Variants in PRPF18 observed in about 807,000 individuals in gnomAD.
PRPF18 encodes the protein pre-mRNA-splicing factor 18.
In PRPF18, 38 loss-of-function variants were observed where a neutral mutation model predicts 46.5. The ratio of observed to expected loss-of-function variants is 0.82; its 90% CI spans 0.63 to 1.07. PRPF18 has a LOEUF of 1.07. PRPF18 is among the 50% of genes least tolerant of loss of function. PRPF18 has a pLI of 0.00. For synonymous variants in PRPF18, 152 were observed against 146.7 expected (o/e 1.04, Z -0.26); for missense variants, 263 against 410.0 (o/e 0.64, Z 3.10).
downstream of PRPF18, among the ~76,000 whole-genome samples, chr10:13,634,075 G>T (rs2080613709): frequency 6.6e-6 from 1 of 152,318 alleles, no homozygotes; most frequent in South Asian, 2.1e-4. Context: ...AGTGTGGCCA[G>T]CCGCGCAGCT....
the PRPF18 span, chr10:13,654,400 T>C: frequency 3.3e-6 from 5 of 1,528,552 alleles, no homozygotes; most frequent in Admixed American, 1.7e-5. Flanking sequence ...GTGAAGAACA[T>C]AGAAGGAGAA....
chr10:13,611,256 A>G (rs1415832784), intron 5 of PRPF18, among the ~76,000 whole-genome samples: 1 of 145,758 alleles, frequency 6.9e-6, no homozygotes, highest in Non-Finnish European at 1.5e-5. Flanking sequence ...TTATTGAGAT[A>G]TTGACATACC....
At chr10:13,610,300 G>A (rs1351855930) in intron 5 of PRPF18, 115 bp downstream of exon 5, 2 of 1,144,282 alleles carry the variant, frequency 1.7e-6, no homozygotes, top group Non-Finnish European at 2.4e-6. Context: ...TTGGTCTTTT[G>A]TTTATTTACT....
downstream of PRPF18, among the ~76,000 whole-genome samples, chr10:13,635,297 G>C (rs926745414): frequency 6.6e-6 from 1 of 152,152 alleles, no homozygotes; most frequent in African/African-American, 2.4e-5. Flanking sequence ...GGCTATCATT[G>C]GTGGGCATTT....
At position 13,613,864 on chromosome 10, in the gene PRPF18, A is replaced by C. The variant is rs2080304379; in HGVS notation, c.703A>C (p.Arg235=). 6.2e-7 allele frequency: 1 copy of C among 1,610,882 alleles called. No individual in the cohort carries two copies. The highest frequency in any genetic ancestry group is 1.1e-5 in the South Asian group (1 of 89,990). The stretch of plus-strand genomic sequence containing the variant: ...CGAGTCCTACCTAAGACCACTTTTT[A>C]GAAAGCTACGGAAAAGGGTGAGGTT... ...QTESYLRPLF[R]KLRKRNLPAD... is the part of the protein sequence containing the mutation. Residue 235 remains arginine (R), a synonymous_variant, in exon 7 of 10, where the codon AGA becomes CGA. Transcript: ENST00000378572.
chr10:13,587,695 CAGA>C, intron 1 of PRPF18, among the ~76,000 whole-genome samples: 2 of 152,330 alleles, frequency 1.3e-5, no homozygotes, highest in Admixed American at 1.3e-4. Flanking sequence ...ATAGGGACCT[CAGA>C]AGGAGTACCT....
At chr10:13,648,401 G>A in the PRPF18 span, among the ~76,000 whole-genome samples, 1 of 152,268 alleles carries the variant, frequency 6.6e-6, no homozygotes, top group Non-Finnish European at 1.5e-5. Flanking sequence ...GGGCCTTGCA[G>A]GGGTCCTATG....
chr10:13,641,297 T>C, the PRPF18 span: 1 of 152,254 alleles, frequency 6.6e-6, no homozygotes, highest in Non-Finnish European at 1.5e-5. Context: ...GGCCTGGAGT[T>C]GCCTGTAACT....
chr10:13,591,658 C>A, intron 1 of PRPF18: 1 of 619,520 alleles, frequency 1.6e-6, no homozygotes, highest in Non-Finnish European at 3.0e-6. Context: ...TGGGCTTCTG[C>A]AGCTGCTGCT....
At chr10:13,612,596 C>G (rs77595862) in intron 6 of PRPF18, among the ~76,000 whole-genome samples, 1,922 of 143,720 alleles carry the variant, frequency 0.013, 25 homozygotes, top group Admixed American at 0.043. Flanking sequence ...AATTTCTAGA[C>G]AACCCAAGGA....
chr10:13,645,477 T>G, the PRPF18 span: 1 of 152,548 alleles, frequency 6.6e-6, no homozygotes, highest in African/African-American at 2.4e-5. Flanking sequence ...ATAAAAGTAT[T>G]TTTGAGGCCT....
Position 13,587,128 on chromosome 10 carries a change from G to C in PRPF18, c.42G>C (p.Leu14=). Residue 14 remains leucine (L), a synonymous_variant, in exon 1 of 10, where the codon CTG becomes CTC. Coordinates refer to ENST00000378572, the MANE Select transcript of PRPF18 (RefSeq NM_003675.4). ...LKSEILRKRQ[L]VEDRNLLVEN... is the part of the protein sequence containing the mutation. ...CAGAGATCCTTCGGAAGCGGCAGCT[G>C]GTGGAGGACAGGAACCTGCTGGTGG... 6.2e-7 allele frequency: 1 copy of C among 1,614,184 alleles called. No homozygotes were observed. Among genetic ancestry groups the C allele is most frequent in the Non-Finnish European group, 8.5e-7 (1 of 1,180,002 alleles).
the PRPF18 span, among the ~76,000 whole-genome samples, chr10:13,648,447 G>A: frequency 6.6e-6 from 1 of 152,112 alleles, no homozygotes; most frequent in African/African-American, 2.4e-5. Flanking sequence ...CTAACTCCAC[G>A]TGGTCCTGGT....
the PRPF18 span, chr10:13,653,348 T>TACTAGAGATTAGCC: frequency 6.6e-6 from 1 of 152,290 alleles, no homozygotes; most frequent in Non-Finnish European, 1.5e-5. Context: ...ACCCTGTCTC[T>TACTAGAGATTAGCC]ACTAGAGATT....
chr10:13,610,197 A>T lies in PRPF18; in HGVS notation c.510+12A>T, dbSNP rs755710576. On this transcript the variant is annotated intron_variant, in intron 5 of 9. Coordinates refer to ENST00000378572, the MANE Select transcript of PRPF18 (RefSeq NM_003675.4). ...TTGAAGAGTTAGAGGTAATCTCTACACCAAGCCCAGCACATCCCTGGCACC... is the reference window on the plus strand; with the variant it reads ...TTGAAGAGTTAGAGGTAATCTCTACTCCAAGCCCAGCACATCCCTGGCACC... 2 of 1,611,234 alleles carry T rather than the reference A, an allele frequency of 1.2e-6. No homozygotes were observed. The highest frequency in any genetic ancestry group is 1.7e-6 in the Non-Finnish European group (2 of 1,177,956).
rs1052130603 is a variant in PRPF18 at position 13,630,565 on chromosome 10, T to C, written c.*225T>C. On this transcript the variant is annotated 3_prime_UTR_variant, in exon 10 of 10. Transcript: ENST00000378572. ...GCTTTCATTTTAATTAGTCCAAAAT[T>C]AAGTTTTAAAGATTTTTCCTCACAA... is the stretch of plus-strand genomic sequence containing the variant. The C allele has an allele frequency of 3.7e-5, 12 of 320,406 alleles. No individual in the cohort carries two copies. The highest frequency in any genetic ancestry group is 2.6e-4 in the African/African-American group (12 of 46,660). The allele number at this position is 320,406 out of a possible 1,614,324, so 19.8% of individuals were successfully genotyped here. A position where few individuals can be genotyped will look rare whatever the true frequency, so the allele number is the denominator to read the frequency against.
At chr10:13,614,642 C>T (rs913862742) in intron 8 of PRPF18, among the ~76,000 whole-genome samples, 2 of 152,208 alleles carry the variant, frequency 1.3e-5, no homozygotes, top group African/African-American at 4.8e-5. Flanking sequence ...TCTCTCCTCC[C>T]TTGCCCCAGT....
chr10:13,650,620 G>C, the PRPF18 span, among the ~76,000 whole-genome samples: 28 of 152,112 alleles, frequency 1.8e-4, no homozygotes, highest in Non-Finnish European at 3.1e-4. Context: ...ACATCACCCT[G>C]GCACTGGGGC....
chr10:13,615,325 C>G (rs2080324046), intron 8 of PRPF18, among the ~76,000 whole-genome samples: 2 of 152,184 alleles, frequency 1.3e-5, no homozygotes, highest in Admixed American at 6.5e-5. Flanking sequence ...AACCAAGAAG[C>G]TTTAATAACC....
Sources: allele counts gnomAD v4.1 joint callset (sites outside exome capture counted in the v4.1 genomes callset), GRCh38; gene constraint gnomAD v4.1.1; transcripts MANE v1.5; gene names NCBI Gene and HGNC (gene_info 2026-07-23, HGNC 2026-07-21).